The following PITPNC1 variants were observed in gnomAD, a reference collection of about 807,000 sequenced individuals.
PITPNC1 encodes the protein phosphatidylinositol transfer protein cytoplasmic 1.
In PITPNC1, 18 loss-of-function variants were observed where a neutral mutation model predicts 44.7. That is an observed-to-expected ratio of 0.40 (90% CI 0.28 to 0.60). PITPNC1 has a LOEUF of 0.60. Among genes scored for constraint, PITPNC1 ranks in the 20% least tolerant of loss-of-function variants. PITPNC1 has a pLI of 0.39. For missense variants in PITPNC1, 290 were observed against 418.4 expected (o/e 0.69, Z 2.68); for synonymous variants, 141 against 149.6 (o/e 0.94, Z 0.42).
intron 1 of PITPNC1, among the ~76,000 whole-genome samples, chr17:67,396,484 C>T (rs985632365): frequency 1.3e-5 from 2 of 151,978 alleles, no homozygotes; most frequent in Admixed American, 6.6e-5. Context: ...AATTCTCCTG[C>T]CTTAGCCTCC....
At chr17:67,387,629 A>G (rs555732639) in intron 1 of PITPNC1, among the ~76,000 whole-genome samples, 1 of 152,286 alleles carries the variant, frequency 6.6e-6, no homozygotes, top group East Asian at 1.9e-4. Context: ...TCGAGGCTGC[A>G]CTCCAGCCTG....
chr17:67,447,945 C>T (rs2039123452), intron 1 of PITPNC1, among the ~76,000 whole-genome samples: 1 of 150,014 alleles, frequency 6.7e-6, no homozygotes, highest in African/African-American at 2.5e-5. Flanking sequence ...TCCTTCCTTC[C>T]TTCCTTCTTT....
At chr17:67,686,042 G>A (rs2042809418) in intron 8 of PITPNC1, among the ~76,000 whole-genome samples, 1 of 151,688 alleles carries the variant, frequency 6.6e-6, no homozygotes, top group Admixed American at 6.6e-5. Flanking sequence ...TGTTGTCCAG[G>A]CTGGTCTTGA....
intron 1 of PITPNC1, among the ~76,000 whole-genome samples, chr17:67,380,162 C>A (rs2037936577): frequency 6.6e-6 from 1 of 151,936 alleles, no homozygotes; most frequent in African/African-American, 2.4e-5. Flanking sequence ...GCAACCTCCG[C>A]CACCTGGATT....
chr17:67,539,609 C>T lies in PITPNC1; in HGVS notation c.197+6659C>T, dbSNP rs190069637. Among the ~76,000 whole-genome samples, 15 of 152,310 alleles carry T rather than the reference C, an allele frequency of 9.8e-5. No individual in the cohort carries two copies. In the East Asian group the frequency reaches 2.1e-3, roughly 22 times the overall value. On this transcript the variant is annotated intron_variant, in intron 2 of 8. Transcript: ENST00000581322. ...ATCCCAGCACTTTGGGAGGCCGAGG[C>T]GGGTGGATCACGAGGTCAGGAGATC...
intron 1 of PITPNC1, among the ~76,000 whole-genome samples, chr17:67,384,652 C>G (rs2038015088): frequency 6.6e-6 from 1 of 152,200 alleles, no homozygotes. Context: ...GTCTCGATCT[C>G]CTGACCTCGT....
At position 67,696,908 on chromosome 17, in the gene PITPNC1, T is replaced by C. The variant is rs897983073; in HGVS notation, c.*4020T>C. On this transcript the variant is annotated 3_prime_UTR_variant, in exon 9 of 9. Coordinates refer to ENST00000581322, the MANE Select transcript of PITPNC1 (RefSeq NM_012417.4). ...TTAAATTGAAAGCATGTCTGTCAAA[T>C]TGCAAGTCTCCCTTCAGTTTCTATA... 6.6e-5 allele frequency: 10 copies of C among 152,268 alleles called. No individual in the cohort carries two copies. Among genetic ancestry groups the C allele is most frequent in the African/African-American group, 2.4e-4 (10 of 41,478 alleles). 9.4% of individuals were successfully genotyped at this position (152,268 alleles called of 1,614,324 possible).
intron 2 of PITPNC1, among the ~76,000 whole-genome samples, chr17:67,534,734 G>A (rs999313297): frequency 1.3e-5 from 2 of 152,062 alleles, no homozygotes; most frequent in Non-Finnish European, 2.9e-5. Flanking sequence ...CAAGTCTTAC[G>A]TCAGCCATTT....
intron 1 of PITPNC1, among the ~76,000 whole-genome samples, chr17:67,417,381 C>T (rs1239806115): frequency 7.9e-5 from 12 of 152,234 alleles, no homozygotes; most frequent in Admixed American, 2.0e-4. Context: ...CCTCCTGCCT[C>T]GGCCTCCCAA....
intron 1 of PITPNC1, among the ~76,000 whole-genome samples, chr17:67,385,775 G>A (rs1748680281): frequency 6.6e-6 from 1 of 152,058 alleles, no homozygotes; most frequent in Non-Finnish European, 1.5e-5. Flanking sequence ...ACGGGCACAG[G>A]GAAAGGAGGG....
chr17:67,429,139 CT>C (rs1025564123), intron 1 of PITPNC1, among the ~76,000 whole-genome samples: 27 of 152,210 alleles, frequency 1.8e-4, no homozygotes, highest in African/African-American at 6.3e-4. Flanking sequence ...CCACGCCCGG[CT>C]TTTTTACCTA....
intron 5 of PITPNC1, among the ~76,000 whole-genome samples, chr17:67,591,708 T>A (rs1426960410): frequency 6.6e-6 from 1 of 152,136 alleles, no homozygotes; most frequent in Admixed American, 6.5e-5. Context: ...AATTATTTAT[T>A]GATTTAAAAA....
intron 1 of PITPNC1, among the ~76,000 whole-genome samples, chr17:67,495,041 T>G (rs1254538573): frequency 8.7e-5 from 5 of 57,736 alleles, no homozygotes; most frequent in African/African-American, 1.5e-4. Context: ...CATGGAGTTG[T>G]TTTTTTTTTT....
chr17:67,478,060 C>T (rs1358660887), intron 1 of PITPNC1, among the ~76,000 whole-genome samples: 1 of 152,128 alleles, frequency 6.6e-6, no homozygotes, highest in Non-Finnish European at 1.5e-5. Flanking sequence ...AGCTCAGACA[C>T]TCTGCTTGTA....
At chr17:67,636,109 C>G (rs1328640968) in intron 6 of PITPNC1, among the ~76,000 whole-genome samples, 1 of 151,946 alleles carries the variant, frequency 6.6e-6, no homozygotes, top group Non-Finnish European at 1.5e-5. Flanking sequence ...CCAGCCTGGC[C>G]AACATGGTGA....
chr17:67,672,459 C>T (rs1183854737), intron 7 of PITPNC1, among the ~76,000 whole-genome samples: 4 of 151,334 alleles, frequency 2.6e-5, no homozygotes, highest in Non-Finnish European at 2.9e-5. Flanking sequence ...ATTAGCTGGG[C>T]GTGGTGACAG....
At chr17:67,457,295 C>A (rs1363912195) in intron 1 of PITPNC1, 1 of 152,404 alleles carries the variant, frequency 6.6e-6, no homozygotes, top group South Asian at 2.1e-4. Flanking sequence ...CCCTGCTCAG[C>A]TCTCATTTGT....
intron 5 of PITPNC1, among the ~76,000 whole-genome samples, chr17:67,624,266 C>T (rs2041869376): frequency 7.5e-6 from 1 of 132,596 alleles, no homozygotes; most frequent in African/African-American, 2.9e-5. Context: ...GGCTGGAATG[C>T]AGTGGCACAC....
chr17:67,644,476 C>G (rs2042125791), intron 6 of PITPNC1, among the ~76,000 whole-genome samples: 2 of 146,760 alleles, frequency 1.4e-5, no homozygotes, highest in Non-Finnish European at 3.0e-5. Flanking sequence ...ACTCTGTCAC[C>G]CAGGCTGGAG....
Sources: allele counts gnomAD v4.1 joint callset (sites outside exome capture counted in the v4.1 genomes callset), GRCh38; gene constraint gnomAD v4.1.1; transcripts MANE v1.5; gene names NCBI Gene and HGNC (gene_info 2026-07-23, HGNC 2026-07-21).